SLC39A9: variants seen among roughly 807,000 people sequenced by gnomAD.
SLC39A9 encodes the protein solute carrier family 39 member 9.
Under a neutral mutation model 28.4 loss-of-function variants are expected in SLC39A9, and 14 were observed. The observed-to-expected ratio is 0.49, with a 90% confidence interval of 0.33 to 0.77. The LOEUF is 0.77. Among genes scored for constraint, SLC39A9 ranks in the 30% least tolerant of loss-of-function variants. The pLI is 0.02. For missense variants in SLC39A9, 283 were observed against 381.1 expected (o/e 0.74, Z 2.14); for synonymous variants, 119 against 149.6 (o/e 0.80, Z 1.49).
chr14:69,398,561 C>T (rs1202670773), upstream of SLC39A9: 3 of 444,992 alleles, frequency 6.7e-6, no homozygotes, highest in Non-Finnish European at 1.2e-5. Context: ...TAGACAGTGA[C>T]ATCAGACATC....
chr14:69,404,442 A>G (rs572925220), intron 1 of SLC39A9, among the ~76,000 whole-genome samples: 2 of 152,354 alleles, frequency 1.3e-5, no homozygotes, highest in East Asian at 3.9e-4. Flanking sequence ...TTGAAATAAT[A>G]TAAGCACAGG....
At chr14:69,412,178 A>G (rs1883306788) in intron 1 of SLC39A9, among the ~76,000 whole-genome samples, 1 of 151,608 alleles carries the variant, frequency 6.6e-6, no homozygotes, top group Non-Finnish European at 1.5e-5. Flanking sequence ...TCACGAGGTC[A>G]GGAGATCGAG....
intron 3 of SLC39A9, among the ~76,000 whole-genome samples, chr14:69,447,707 T>C (rs1169659611): frequency 6.6e-6 from 1 of 151,466 alleles, no homozygotes; most frequent in African/African-American, 2.4e-5. Context: ...AGCCCAGAAG[T>C]TTGAGACCAG....
At chr14:69,457,038 T>C (rs1165058790) in intron 6 of SLC39A9, among the ~76,000 whole-genome samples, 2 of 152,204 alleles carry the variant, frequency 1.3e-5, no homozygotes, top group African/African-American at 4.8e-5. Flanking sequence ...CTGATAATTC[T>C]GGAGACATGG....
At chr14:69,413,027 G>C (rs1883357393) in intron 1 of SLC39A9, among the ~76,000 whole-genome samples, 1 of 152,120 alleles carries the variant, frequency 6.6e-6, no homozygotes, top group South Asian at 2.1e-4. Flanking sequence ...GGGTTTTCCA[G>C]CTTTTGGGTT....
At chr14:69,446,873 CA>C (rs35612117) in intron 3 of SLC39A9, among the ~76,000 whole-genome samples, 26,388 of 89,434 alleles carry the variant, frequency 0.3, 2,158 homozygotes, top group Non-Finnish European at 0.35. Flanking sequence ...AACTCTGTCT[CA>C]AAAAAAAAAA....
Position 69,460,980 on chromosome 14 carries a change from A to C in SLC39A9, c.*2387A>C, listed in dbSNP as rs1215174014. ...GGAAGAGCTTGCTGGCATGGTGGGC[A>C]GTATTCCAGGAGAGGCCATGTCCGT... is the stretch of plus-strand genomic sequence containing the variant. On this transcript the variant is annotated 3_prime_UTR_variant, in exon 7 of 7. Coordinates refer to ENST00000336643, the MANE Select transcript of SLC39A9 (RefSeq NM_018375.5). 1.0e-6 allele frequency: 1 copy of C among 985,374 alleles called. No homozygotes were observed. Among genetic ancestry groups the C allele is most frequent in the Non-Finnish European group, 1.2e-6 (1 of 830,034 alleles). The allele number at this position is 985,374 out of a possible 1,614,324, so 61.0% of individuals were successfully genotyped here. A position where few individuals can be genotyped will look rare whatever the true frequency, so the allele number is the denominator to read the frequency against.
In SLC39A9 at chr14:69,402,573, TTC is replaced by T. The variant is rs577051760; in HGVS notation, c.96+3112_96+3113del. Among the ~76,000 whole-genome samples the T allele has an allele frequency of 3.4e-4, 51 of 152,228 alleles. 1 individual carries two copies. Among genetic ancestry groups the T allele is most frequent in the African/African-American group, 1.2e-3 (50 of 41,544 alleles). On this transcript the variant is annotated intron_variant, in intron 1 of 6. Transcript: ENST00000336643. ...ACCAAGAGGTTTATGTGACATTGAT[TTC>T]TCTGTCAGTTTCTCCTCACCCCAAA...
In SLC39A9 at chr14:69,459,465, T is replaced by G. The variant is rs753574977; in HGVS notation, c.*872T>G. ...AGTGTCTTTGGAAATTAAGGGATATTAAATTTTAAGTGATTTTTGGATGGT... is the reference window on the plus strand; with the variant it reads ...AGTGTCTTTGGAAATTAAGGGATATGAAATTTTAAGTGATTTTTGGATGGT... On this transcript the variant is annotated 3_prime_UTR_variant, in exon 7 of 7. Coordinates refer to ENST00000336643, the MANE Select transcript of SLC39A9 (RefSeq NM_018375.5). The G allele has an allele frequency of 7.1e-6, 7 of 985,240 alleles. No individual in the cohort carries two copies. In the Admixed American group the frequency reaches 2.5e-4, roughly 35 times the overall value. 61.0% of individuals were successfully genotyped at this position (985,240 alleles called of 1,614,324 possible).
At chr14:69,425,981 C>T (rs1385048084) in intron 2 of SLC39A9, among the ~76,000 whole-genome samples, 2 of 152,036 alleles carry the variant, frequency 1.3e-5, no homozygotes, top group African/African-American at 4.8e-5. Flanking sequence ...TAGTTTAAGA[C>T]TAAAATTATC....
At chr14:69,447,515 G>A (rs1026547698) in intron 3 of SLC39A9, among the ~76,000 whole-genome samples, 6 of 152,156 alleles carry the variant, frequency 3.9e-5, no homozygotes, top group East Asian at 1.9e-4. Context: ...ATCCTAGAAC[G>A]AAGAGAAACT....
rs565272872 is a variant in SLC39A9, at chr14:69,417,237, C to A, written c.97-6857C>A. ...CATTTATTAAATAGTGAATCCTTTC[C>A]CCATTTCTTGTTATTGTCAGGCTTG... On this transcript the variant is annotated intron_variant, in intron 1 of 6. Transcript: ENST00000336643. 3.9e-5 allele frequency among the ~76,000 whole-genome samples: 6 copies of A among 152,260 alleles called. No individual in the cohort carries two copies. The East Asian group carries it at 1.2e-3, about 29-fold the overall frequency.
intron 2 of SLC39A9, among the ~76,000 whole-genome samples, chr14:69,441,665 A>T (rs1350342291): frequency 6.6e-6 from 1 of 152,204 alleles, no homozygotes; most frequent in Non-Finnish European, 1.5e-5. Flanking sequence ...TTTGATTGCA[A>T]TTATTTTCAT....
At chr14:69,426,738 G>A (rs1042064658) in intron 2 of SLC39A9, among the ~76,000 whole-genome samples, 2 of 152,218 alleles carry the variant, frequency 1.3e-5, no homozygotes, top group Non-Finnish European at 2.9e-5. Context: ...GAAGCCTGCT[G>A]TTGAGGCCTA....
intron 2 of SLC39A9, among the ~76,000 whole-genome samples, chr14:69,433,924 A>G (rs574373630): frequency 6.6e-6 from 1 of 152,188 alleles, no homozygotes; most frequent in South Asian, 2.1e-4. Context: ...AGCTGAAACT[A>G]CAGGCATGTG....
intron 1 of SLC39A9, among the ~76,000 whole-genome samples, chr14:69,416,256 A>C (rs2140263711): frequency 6.6e-6 from 1 of 152,274 alleles, no homozygotes; most frequent in African/African-American, 2.4e-5. Flanking sequence ...TTTGCTCAGA[A>C]TGATGGTTTC....
intron 2 of SLC39A9, among the ~76,000 whole-genome samples, chr14:69,437,180 T>G (rs1437513550): frequency 6.6e-6 from 1 of 152,088 alleles, no homozygotes; most frequent in Non-Finnish European, 1.5e-5. Context: ...GATCCCTTTT[T>G]CTATTTGCTC....
intron 5 of SLC39A9, among the ~76,000 whole-genome samples, chr14:69,455,378 G>A (rs1292251117): frequency 6.6e-6 from 1 of 152,136 alleles, no homozygotes; most frequent in African/African-American, 2.4e-5. Context: ...CCAGGCTGGA[G>A]TGCAATGGTG....
intron 1 of SLC39A9, among the ~76,000 whole-genome samples, chr14:69,422,666 C>T (rs2140272959): frequency 6.6e-6 from 1 of 152,252 alleles, no homozygotes; most frequent in South Asian, 2.1e-4. Flanking sequence ...CTTACTGCAA[C>T]CTTCACCTGC....
Sources: allele counts gnomAD v4.1 joint callset (sites outside exome capture counted in the v4.1 genomes callset), GRCh38; gene constraint gnomAD v4.1.1; transcripts MANE v1.5; gene names NCBI Gene and HGNC (gene_info 2026-07-23, HGNC 2026-07-21).